The following IQUB variants were observed in gnomAD, a reference collection of about 807,000 sequenced individuals.
The protein encoded by IQUB is IQ motif and ubiquitin domain containing.
IQUB carries 86 observed loss-of-function variants against 86.4 expected under a neutral mutation model. The ratio of observed to expected loss-of-function variants is 1.00; its 90% CI spans 0.84 to 1.19. The LOEUF (loss-of-function observed/expected upper bound fraction) is 1.19, where lower values mean the gene tolerates loss of function less well. Ranked by LOEUF, IQUB falls within the 50% of genes most tolerant of loss-of-function variation. The pLI is 0.00. For synonymous variants in IQUB, 289 were observed against 304.5 expected, an observed-to-expected ratio of 0.95 and a Z score of 0.53; for missense variants, 946 against 916.9, an observed-to-expected ratio of 1.03 and a Z score of -0.41.
At chr7:123,496,466 C>A (rs1795709990) in intron 7 of IQUB, among the ~76,000 whole-genome samples, 1 of 152,106 alleles carries the variant, frequency 6.6e-6, no homozygotes, top group Non-Finnish European at 1.5e-5. Flanking sequence ...GCATAATTCA[C>A]AAAGCAGTAT....
intron 7 of IQUB, among the ~76,000 whole-genome samples, chr7:123,488,349 GAA>G (rs536092384): frequency 1.0e-5 from 1 of 97,994 alleles, no homozygotes; most frequent in Non-Finnish European, 2.1e-5. Flanking sequence ...TCAAAAAAAA[GAA>G]AAAAAAAAAA....
At chr7:123,487,432 A>G (rs1795257477) in intron 7 of IQUB, among the ~76,000 whole-genome samples, 1 of 152,210 alleles carries the variant, frequency 6.6e-6, no homozygotes, top group Non-Finnish European at 1.5e-5. Flanking sequence ...GAATAGGACA[A>G]TTGGAACTCT....
chr7:123,484,767 G>C (rs1795148856), intron 7 of IQUB, among the ~76,000 whole-genome samples: 1 of 151,928 alleles, frequency 6.6e-6, no homozygotes, highest in African/African-American at 2.4e-5. Flanking sequence ...ATTGTCAGTA[G>C]GGCTTTTAAA....
chr7:123,477,658 T>A (rs934270794), intron 8 of IQUB, among the ~76,000 whole-genome samples: 1 of 152,122 alleles, frequency 6.6e-6, no homozygotes, highest in African/African-American at 2.4e-5. Flanking sequence ...ACAGGCAACC[T>A]ACAGAATGGG....
chr7:123,487,227 C>T (rs542312701), intron 7 of IQUB, among the ~76,000 whole-genome samples: 175 of 152,300 alleles, frequency 1.1e-3, no homozygotes, highest in Non-Finnish European at 2.0e-3. Context: ...GCCATGGTTC[C>T]TGTACAGCCT....
At chr7:123,517,398 G>C (rs1227927199) in intron 1 of IQUB, among the ~76,000 whole-genome samples, 1 of 151,602 alleles carries the variant, frequency 6.6e-6, no homozygotes, top group Non-Finnish European at 1.5e-5. Flanking sequence ...GGGCGTTGTG[G>C]CAGGCGCCTG....
rs1794767839 is a variant in IQUB at position 123,476,881 on chromosome 7, G to A, written c.1410+2914C>T. On this transcript the variant is annotated intron_variant, in intron 8 of 12. Transcript: ENST00000324698. The stretch of plus-strand genomic sequence containing the variant: ...AGGTATTAGGAATCCAACTTACAAG[G>A]GATGTAAAGGACCTCTTCAAGGAGA... 2.0e-5 allele frequency among the ~76,000 whole-genome samples: 3 copies of A among 152,046 alleles called. No homozygotes were observed. The South Asian group carries it at 6.2e-4, about 32-fold the overall frequency.
intron 1 of IQUB, among the ~76,000 whole-genome samples, chr7:123,524,546 A>AT (rs1359865448): frequency 6.8e-6 from 1 of 147,048 alleles, no homozygotes; most frequent in Non-Finnish European, 1.5e-5. Flanking sequence ...TTGTACATTG[A>AT]TTTTGTATCC....
intron 1 of IQUB, among the ~76,000 whole-genome samples, chr7:123,530,329 G>A (rs1482447305): frequency 1.3e-5 from 2 of 151,412 alleles, no homozygotes; most frequent in Admixed American, 6.6e-5. Context: ...CCAGCTACTC[G>A]GGAAGCTGAG....
At chr7:123,525,151 T>C (rs1393137487) in intron 1 of IQUB, among the ~76,000 whole-genome samples, 9 of 152,154 alleles carry the variant, frequency 5.9e-5, no homozygotes, top group Admixed American at 2.6e-4. Flanking sequence ...AGGATATTGG[T>C]CTAAAATTCT....
At chr7:123,498,807 C>G (rs185492131) in intron 6 of IQUB, among the ~76,000 whole-genome samples, 2 of 152,240 alleles carry the variant, frequency 1.3e-5, no homozygotes, top group African/African-American at 4.8e-5. Flanking sequence ...CTGTCCAGAT[C>G]TTAGTTATAT....
chr7:123,461,732 G>A, intron 10 of IQUB, 127 bp from the exon 11 acceptor site: 1 of 818,020 alleles, frequency 1.2e-6, no homozygotes. Context: ...AAAAAAAGTT[G>A]GCTAATTTCT....
chr7:123,460,090 C>T (rs994293749), intron 11 of IQUB, among the ~76,000 whole-genome samples: 8 of 151,886 alleles, frequency 5.3e-5, no homozygotes, highest in Admixed American at 3.3e-4. Context: ...TTTACATGTA[C>T]GGATGCTGGG....
At chr7:123,491,387 A>G (rs1795454339) in intron 7 of IQUB, among the ~76,000 whole-genome samples, 1 of 152,152 alleles carries the variant, frequency 6.6e-6, no homozygotes. Flanking sequence ...AATGGAACAG[A>G]GAAAAAGAAC....
chr7:123,502,207 CAG>C (rs1391615106), intron 6 of IQUB: 1 of 164,460 alleles, frequency 6.1e-6, no homozygotes, highest in Non-Finnish European at 1.3e-5. Context: ...AAAAATAAAA[CAG>C]AGTTGGAGCG....
At chr7:123,506,833 G>A (rs533042316) in intron 3 of IQUB, among the ~76,000 whole-genome samples, 22 of 152,160 alleles carry the variant, frequency 1.4e-4, no homozygotes, top group Middle Eastern at 3.4e-3. Context: ...TTCATGCCAC[G>A]GTAGAGGTAA....
chr7:123,503,631 T>C (rs1313613969), intron 3 of IQUB, among the ~76,000 whole-genome samples: 1 of 151,940 alleles, frequency 6.6e-6, no homozygotes, highest in Non-Finnish European at 1.5e-5. Context: ...ATAGTCACCA[T>C]TTCTAGAAAT....
At position 123,463,149 on chromosome 7, in the gene IQUB, T is replaced by C. The variant is rs188772145; in HGVS notation, c.1759-1544A>G. 8.0e-3 allele frequency among the ~76,000 whole-genome samples: 1,208 copies of C among 151,834 alleles called. 9 individuals carry two copies. The highest frequency in any genetic ancestry group is 0.012 in the Non-Finnish European group (836 of 67,730). ...CCTAGATTCAAGAACAAACTTTAAA[T>C]ACTTTATCTTAATTAATATATTTAT... On this transcript the variant is annotated intron_variant, in intron 10 of 12. Transcript: ENST00000324698.
At chr7:123,514,184 C>T (rs1246753998) in intron 1 of IQUB, among the ~76,000 whole-genome samples, 1 of 151,996 alleles carries the variant, frequency 6.6e-6, no homozygotes, top group Admixed American at 6.6e-5. Flanking sequence ...AATTTGCTGA[C>T]ATTAATACAA....
Sources: allele counts gnomAD v4.1 joint callset (sites outside exome capture counted in the v4.1 genomes callset), GRCh38; gene constraint gnomAD v4.1.1; transcripts MANE v1.5; gene names NCBI Gene and HGNC (gene_info 2026-07-23, HGNC 2026-07-21).